Variants in TMEM177 observed in about 807,000 individuals in gnomAD.
The protein encoded by TMEM177 is transmembrane protein 177.
Under a neutral mutation model 14.2 loss-of-function variants are expected in TMEM177, and 4 were observed. The observed-to-expected ratio is 0.28, with a 90% CI of 0.14 to 0.64. TMEM177 has a LOEUF of 0.64. Among genes scored for constraint, TMEM177 ranks in the 30% least tolerant of loss-of-function variants. TMEM177 has a pLI of 0.82. For synonymous variants in TMEM177, 179 were observed against 174.5 expected (o/e 1.03, Z -0.20); for missense variants, 344 against 405.2 (o/e 0.85, Z 1.30).
At chr2:119,698,365 G>A in the TMEM177 span, among the ~76,000 whole-genome samples, 5,781 of 152,264 alleles carry the variant, frequency 0.038, 164 homozygotes, top group Non-Finnish European at 0.059. Context: ...TTCTGAGACC[G>A]CTTCTAAGGC....
the TMEM177 span, among the ~76,000 whole-genome samples, chr2:119,703,641 G>A: frequency 2.6e-5 from 4 of 152,072 alleles, no homozygotes; most frequent in Non-Finnish European, 4.4e-5. Flanking sequence ...GCCCTGCCCC[G>A]CACCCCAGGA....
the TMEM177 span, among the ~76,000 whole-genome samples, chr2:119,707,132 C>T: frequency 2.6e-5 from 4 of 152,102 alleles, 1 homozygote; most frequent in South Asian, 4.1e-4. Context: ...AGGCTGGTCT[C>T]GAACTACTGG....
chr2:119,715,264 T>C, the TMEM177 span, among the ~76,000 whole-genome samples: 1 of 152,140 alleles, frequency 6.6e-6, no homozygotes, highest in African/African-American at 2.4e-5. Flanking sequence ...GGCTTGCACA[T>C]GTAGTCTTAG....
In TMEM177 at chr2:119,680,869, T is replaced by A; in HGVS notation, c.16T>A (p.Trp6Arg). The change falls in exon 2 of 2, where the codon TGG becomes AGG. Residue 6 changes from tryptophan to arginine, a missense_variant. Coordinates refer to ENST00000272521, the MANE Select transcript of TMEM177 (RefSeq NM_030577.3). Reference sequence around the variant, plus strand: ...GACTACACTCATGGCAGGTCCCCTGTGGCGGACCGCAGCATTTGTGCAGAG... The same window carrying A: ...GACTACACTCATGGCAGGTCCCCTGAGGCGGACCGCAGCATTTGTGCAGAG... MAGPL[W>R]RTAAFVQRHR... The A allele has an allele frequency of 1.9e-6, 3 of 1,613,402 alleles. No homozygotes were observed. Among genetic ancestry groups the A allele is most frequent in the Non-Finnish European group, 2.5e-6 (3 of 1,179,440 alleles).
the TMEM177 span, among the ~76,000 whole-genome samples, chr2:119,694,348 CCACA>C: frequency 7.3e-5 from 11 of 150,880 alleles, no homozygotes; most frequent in Non-Finnish European, 1.5e-4. Context: ...ACACACACAC[CCACA>C]CACACACACC....
chr2:119,712,870 A>G, the TMEM177 span, among the ~76,000 whole-genome samples: 8 of 152,200 alleles, frequency 5.3e-5, no homozygotes, highest in African/African-American at 1.9e-4. Flanking sequence ...CTGTAATAAA[A>G]AGATTATTAT....
chr2:119,688,096 A>G (rs1689043444), downstream of TMEM177, among the ~76,000 whole-genome samples: 1 of 152,330 alleles, frequency 6.6e-6, no homozygotes, highest in East Asian at 1.9e-4. Context: ...GGAAGTATCC[A>G]CTTGTTGAAC....
chr2:119,707,757 C>T, the TMEM177 span, among the ~76,000 whole-genome samples: 1 of 152,212 alleles, frequency 6.6e-6, no homozygotes, highest in African/African-American at 2.4e-5. Flanking sequence ...ACCTGTCTGG[C>T]TTCACATCCA....
chr2:119,703,806 T>G, the TMEM177 span, among the ~76,000 whole-genome samples: 2 of 152,218 alleles, frequency 1.3e-5, no homozygotes, highest in Admixed American at 6.5e-5. Flanking sequence ...CCTCCAGGAC[T>G]GCAGCTTCCA....
At chr2:119,683,247 C>T (rs1435640464), downstream of TMEM177, among the ~76,000 whole-genome samples, 1 of 152,188 alleles carries the variant, frequency 6.6e-6, no homozygotes, top group Non-Finnish European at 1.5e-5. Context: ...CCTGAACAGG[C>T]TGAGTTCCTG....
At chr2:119,689,552 C>G (rs1457307988), downstream of TMEM177, among the ~76,000 whole-genome samples, 1 of 152,222 alleles carries the variant, frequency 6.6e-6, no homozygotes, top group Non-Finnish European at 1.5e-5. Flanking sequence ...CATAAAATTT[C>G]CACAACAATC....
At chr2:119,705,268 C>G in the TMEM177 span, among the ~76,000 whole-genome samples, 22 of 152,188 alleles carry the variant, frequency 1.4e-4, no homozygotes, top group Admixed American at 2.6e-4. Flanking sequence ...TGGGCACAGC[C>G]TAGCTGGGTC....
the TMEM177 span, among the ~76,000 whole-genome samples, chr2:119,707,622 G>A: frequency 1.3e-5 from 2 of 152,230 alleles, no homozygotes; most frequent in Admixed American, 6.5e-5. Flanking sequence ...GAGCTCTCTG[G>A]AAGGTGGCAA....
At chr2:119,685,257 C>G (rs111626557), downstream of TMEM177, among the ~76,000 whole-genome samples, 5,978 of 142,212 alleles carry the variant, frequency 0.042, 259 homozygotes, top group African/African-American at 0.1. Flanking sequence ...CACAAACACA[C>G]ACACACACAT....
At chr2:119,684,152 T>C (rs551661897), downstream of TMEM177, among the ~76,000 whole-genome samples, 3 of 152,300 alleles carry the variant, frequency 2.0e-5, no homozygotes, top group South Asian at 2.1e-4. Flanking sequence ...CACTTTCCCT[T>C]GCTCTGGATC....
the TMEM177 span, among the ~76,000 whole-genome samples, chr2:119,703,249 G>C: frequency 6.6e-6 from 1 of 152,190 alleles, no homozygotes; most frequent in Non-Finnish European, 1.5e-5. Flanking sequence ...ACTTGTAACT[G>C]GACAAAGAAA....
At chr2:119,684,948 G>A (rs977961799), downstream of TMEM177, among the ~76,000 whole-genome samples, 1 of 152,126 alleles carries the variant, frequency 6.6e-6, no homozygotes, top group Non-Finnish European at 1.5e-5. Flanking sequence ...TAAGTTGGGT[G>A]GTAGGCAGCT....
the TMEM177 span, among the ~76,000 whole-genome samples, chr2:119,721,370 A>G: frequency 2.0e-5 from 3 of 152,192 alleles, no homozygotes; most frequent in African/African-American, 7.2e-5. Flanking sequence ...GCCCAATTCC[A>G]TGGGGAGAGA....
chr2:119,702,067 C>T, the TMEM177 span, among the ~76,000 whole-genome samples: 1 of 152,192 alleles, frequency 6.6e-6, no homozygotes, highest in South Asian at 2.1e-4. Context: ...CTGCATGACC[C>T]CTAAACTGTA....
Sources: gnomAD v4.1 joint callset for allele counts (sites outside exome capture counted in the v4.1 genomes callset) on GRCh38, gnomAD v4.1.1 for gene constraint, MANE v1.5 for transcripts, NCBI Gene and HGNC (gene_info 2026-07-23, HGNC 2026-07-21) for gene names.